MSRA: variants seen among roughly 807,000 people sequenced by gnomAD.
MSRA encodes the protein methionine sulfoxide reductase A, also known as mitochondrial peptide methionine sulfoxide reductase.
A neutral mutation model predicts 31.3 loss-of-function variants in MSRA; 54 were observed. The observed-to-expected ratio is 1.73, with a 90% CI of 1.39 to 2.17. The LOEUF is 2.17. Among genes scored for constraint, MSRA ranks in the 30% most tolerant of loss-of-function variants. The probability of loss-of-function intolerance (pLI) is 0.00; values close to 1 mark genes in which losing one functional copy is unlikely to be tolerated. For synonymous variants in MSRA, 169 were observed against 116.5 expected (o/e 1.45, Z -2.90); for missense variants, 507 against 300.9 (o/e 1.69, Z -5.07).
intron 1 of MSRA, among the ~76,000 whole-genome samples, chr8:10,167,297 A>G (rs923784496): frequency 1.3e-5 from 2 of 152,138 alleles, no homozygotes; most frequent in African/African-American, 4.8e-5. Flanking sequence ...TGCTCTGTCC[A>G]TTTCTGTTGT....
chr8:10,112,985 C>G (rs1399594888), intron 1 of MSRA, among the ~76,000 whole-genome samples: 1 of 152,112 alleles, frequency 6.6e-6, no homozygotes, highest in Non-Finnish European at 1.5e-5. Context: ...CCCTGCTGGT[C>G]CATAACAGTG....
At chr8:10,203,926 AT>A (rs1283507154) in intron 1 of MSRA, among the ~76,000 whole-genome samples, 1 of 152,212 alleles carries the variant, frequency 6.6e-6, no homozygotes, top group African/African-American at 2.4e-5. Flanking sequence ...GAATGTGTGC[AT>A]TTGTGTCTTA....
At chr8:10,321,549 C>T (rs1323295428) in intron 5 of MSRA, among the ~76,000 whole-genome samples, 2 of 152,182 alleles carry the variant, frequency 1.3e-5, no homozygotes, top group African/African-American at 4.8e-5. Context: ...CCCCAGTGCT[C>T]TCTGCCCATA....
chr8:10,307,285 G>A (rs1585422596), intron 4 of MSRA, among the ~76,000 whole-genome samples: 2 of 151,618 alleles, frequency 1.3e-5, no homozygotes, highest in Admixed American at 6.6e-5. Context: ...TCCCACCTCA[G>A]CCTCCTGAGT....
At chr8:10,206,544 G>T (rs762974535) in intron 1 of MSRA, among the ~76,000 whole-genome samples, 3 of 152,130 alleles carry the variant, frequency 2.0e-5, no homozygotes, top group African/African-American at 7.2e-5. Context: ...ACCTAGTCTC[G>T]GTCTAAGAGA....
chr8:10,362,622 A>G (rs1249679811), intron 5 of MSRA, among the ~76,000 whole-genome samples: 1 of 151,930 alleles, frequency 6.6e-6, no homozygotes, highest in Non-Finnish European at 1.5e-5. Context: ...CCTAGAGTCC[A>G]GGGTCCACAG....
At chr8:10,339,848 G>A (rs1043480407) in intron 5 of MSRA, among the ~76,000 whole-genome samples, 1 of 152,036 alleles carries the variant, frequency 6.6e-6, no homozygotes, top group Non-Finnish European at 1.5e-5. Flanking sequence ...GCAGCAAGGG[G>A]TTTTCAATAC....
chr8:10,360,704 A>G (rs1209852724), intron 5 of MSRA, among the ~76,000 whole-genome samples: 1 of 152,180 alleles, frequency 6.6e-6, no homozygotes, highest in Non-Finnish European at 1.5e-5. Flanking sequence ...GGCTTTTGGT[A>G]TTACATCCTT....
chr8:10,064,285 G>C (rs993764459), intron 1 of MSRA, among the ~76,000 whole-genome samples: 1 of 152,040 alleles, frequency 6.6e-6, no homozygotes, highest in Admixed American at 6.6e-5. Context: ...AGAGACCTGC[G>C]TGTCCTCTGG....
intron 5 of MSRA, among the ~76,000 whole-genome samples, chr8:10,382,175 G>C (rs1286611041): frequency 6.6e-6 from 1 of 152,220 alleles, no homozygotes; most frequent in African/African-American, 2.4e-5. Flanking sequence ...TTGAGCTGCA[G>C]TTGTTTGTGT....
intron 1 of MSRA, among the ~76,000 whole-genome samples, chr8:10,070,086 G>C (rs1412661521): frequency 1.3e-5 from 2 of 152,144 alleles, no homozygotes; most frequent in Admixed American, 6.5e-5. Flanking sequence ...CTTGAGTCTT[G>C]GATCAGACTG....
chr8:10,204,274 G>C (rs1808753555), intron 1 of MSRA, among the ~76,000 whole-genome samples: 1 of 152,176 alleles, frequency 6.6e-6, no homozygotes, highest in South Asian at 2.1e-4. Flanking sequence ...ATTTAGTGTA[G>C]CCTAAGTGCG....
At chr8:10,060,626 T>C (rs549759724) in intron 1 of MSRA, among the ~76,000 whole-genome samples, 56 of 151,700 alleles carry the variant, frequency 3.7e-4, no homozygotes, top group Non-Finnish European at 7.5e-4. Flanking sequence ...TCTTTTGTCA[T>C]ACTTACTTGA....
chr8:10,253,012 G>T (rs1391441907), intron 3 of MSRA, among the ~76,000 whole-genome samples: 3 of 152,184 alleles, frequency 2.0e-5, no homozygotes, highest in Non-Finnish European at 4.4e-5. Flanking sequence ...TGCACATTTT[G>T]CTAGAGGTAT....
intron 1 of MSRA, among the ~76,000 whole-genome samples, chr8:10,127,035 G>T (rs1478597842): frequency 1.3e-5 from 2 of 152,174 alleles, no homozygotes; most frequent in African/African-American, 2.4e-5. Context: ...CCCTGCTCTA[G>T]AGTTAACTAC....
At chr8:10,085,326 G>A (rs1480786464) in intron 1 of MSRA, among the ~76,000 whole-genome samples, 1 of 152,086 alleles carries the variant, frequency 6.6e-6, no homozygotes, top group South Asian at 2.1e-4. Flanking sequence ...CATCTGTAAG[G>A]CCTCCCCAGT....
chr8:10,126,020 A>C (rs1290054246), intron 1 of MSRA, among the ~76,000 whole-genome samples: 2 of 152,240 alleles, frequency 1.3e-5, no homozygotes, highest in Non-Finnish European at 2.9e-5. Context: ...TTTTAGGGCA[A>C]GGCTCTGTAC....
intron 5 of MSRA, among the ~76,000 whole-genome samples, chr8:10,327,584 T>G (rs1365386339): frequency 6.6e-6 from 1 of 152,112 alleles, no homozygotes; most frequent in Non-Finnish European, 1.5e-5. Flanking sequence ...GTGGTTTGAC[T>G]GGTGTGTGTG....
chr8:10,197,479 C>G (rs1201164469), intron 1 of MSRA, among the ~76,000 whole-genome samples: 2 of 152,100 alleles, frequency 1.3e-5, no homozygotes, highest in South Asian at 4.2e-4. Context: ...ATCAGCAACC[C>G]TAAGAAGTGG....
Sources: allele counts gnomAD v4.1 joint callset (sites outside exome capture counted in the v4.1 genomes callset), GRCh38; gene constraint gnomAD v4.1.1; transcripts MANE v1.5; gene names NCBI Gene and HGNC (gene_info 2026-07-23, HGNC 2026-07-21).